WDFY3: variants seen among roughly 807,000 people sequenced by gnomAD.
WDFY3 encodes WD repeat and FYVE domain-containing protein 3.
A neutral mutation model predicts 409.6 loss-of-function variants in WDFY3; 66 were observed. That is an observed-to-expected ratio of 0.16 (90% confidence interval 0.13 to 0.20). The LOEUF (loss-of-function observed/expected upper bound fraction) is 0.20, where lower values mean the gene tolerates loss of function less well. Among genes scored for constraint, WDFY3 ranks in the 10% least tolerant of loss-of-function variants. The pLI, the probability that WDFY3 is intolerant of heterozygous loss-of-function variation, is 1.00. For synonymous variants in WDFY3, 1,521 were observed against 1,537.1 expected (o/e 0.99, Z 0.25); for missense variants, 3,031 against 4,298.1 (o/e 0.71, Z 8.24).
intron 3 of WDFY3, among the ~76,000 whole-genome samples, chr4:84,872,249 G>GA (rs1388852824): frequency 6.6e-6 from 1 of 151,876 alleles, no homozygotes; most frequent in African/African-American, 2.4e-5. Flanking sequence ...GGCAGATCAC[G>GA]AGGTCAGGAG....
At chr4:84,919,572 G>A (rs934362852) in intron 2 of WDFY3, among the ~76,000 whole-genome samples, 1 of 152,152 alleles carries the variant, frequency 6.6e-6, no homozygotes, top group African/African-American at 2.4e-5. Context: ...GACCTGGTGG[G>A]AGGTAACTGA....
At position 84,735,091 on chromosome 4, in the gene WDFY3, A is replaced by G. The variant is rs1174372610; in HGVS notation, c.6945T>C (p.Ile2315=). 1 of 1,613,406 alleles carries G rather than the reference A, an allele frequency of 6.2e-7. No homozygotes were observed. Among genetic ancestry groups the G allele is most frequent in the Admixed American group, 1.7e-5 (1 of 59,998 alleles). ...TATCTACTAAGTCACGAACAACAGC[A>G]ATGTGAGTAAACATCCACTGCGAAA... ...QEISQWMFTH[I]AVVRDLVDTQ... is the part of the protein sequence containing the mutation. The change falls in exon 43 of 68, where the codon ATT becomes ATC. Residue 2315 remains isoleucine, a synonymous_variant. Transcript: ENST00000295888.
At chr4:84,840,301 C>T (rs1349984402) in intron 6 of WDFY3, among the ~76,000 whole-genome samples, 1 of 152,144 alleles carries the variant, frequency 6.6e-6, no homozygotes, top group African/African-American at 2.4e-5. Flanking sequence ...AAGCAATCTC[C>T]AGAATAAATC....
chr4:84,929,468 CG>C (rs1770448527), intron 2 of WDFY3, among the ~76,000 whole-genome samples: 1 of 149,508 alleles, frequency 6.7e-6, no homozygotes, highest in African/African-American at 2.5e-5. Context: ...GATTGAATTG[CG>C]CCCCCCCCCC....
chr4:84,849,849 G>A (rs1758638256), intron 5 of WDFY3, 53 bp downstream of exon 5: 1 of 1,598,444 alleles, frequency 6.3e-7, no homozygotes. Flanking sequence ...GACTTTTACA[G>A]AACTGCTTGT....
At chr4:84,764,400 G>A (rs999272774) in intron 32 of WDFY3, among the ~76,000 whole-genome samples, 1 of 152,142 alleles carries the variant, frequency 6.6e-6, no homozygotes, top group African/African-American at 2.4e-5. Context: ...GAGCACAAAA[G>A]TACCCATGAT....
At chr4:84,712,921 C>G (rs1733181541) in intron 51 of WDFY3, among the ~76,000 whole-genome samples, 1 of 152,152 alleles carries the variant, frequency 6.6e-6, no homozygotes, top group Admixed American at 6.5e-5. Context: ...CAATCATGCA[C>G]ACAGCAATAC....
At chr4:84,704,794 T>C (rs550594303) in intron 54 of WDFY3, among the ~76,000 whole-genome samples, 1 of 152,334 alleles carries the variant, frequency 6.6e-6, no homozygotes, top group South Asian at 2.1e-4. Context: ...TTTGCAATTA[T>C]ATATTTCTCT....
At chr4:84,861,211 T>C (rs1760584212) in intron 3 of WDFY3, among the ~76,000 whole-genome samples, 1 of 151,872 alleles carries the variant, frequency 6.6e-6, no homozygotes. Flanking sequence ...TGTCTTTAAA[T>C]AAATAAATAA....
At position 84,696,759 on chromosome 4, in the gene WDFY3, T is replaced by C; in HGVS notation, c.8661A>G (p.Pro2887=). The C allele has an allele frequency of 6.2e-7, 1 of 1,614,016 alleles. No individual in the cohort carries two copies. The highest frequency in any genetic ancestry group is 1.1e-5 in the South Asian group (1 of 91,074). The change falls in exon 57 of 68, where the codon CCA becomes CCG. Residue 2887 remains proline (P), a synonymous_variant. Transcript: ENST00000295888. ...CACGATGGACTCTGATGAATTCTCG[T>C]GGGTCCCCTTTTGCCCAGGGTGGAA... ...VILPPWAKGD[P]REFIRVHREA... is the part of the protein sequence containing the mutation.
intron 17 of WDFY3, among the ~76,000 whole-genome samples, chr4:84,799,711 A>C (rs947139279): frequency 6.6e-6 from 1 of 152,196 alleles, no homozygotes; most frequent in African/African-American, 2.4e-5. Flanking sequence ...GAATACTCCA[A>C]ATTTTCAACT....
At position 84,890,989 on chromosome 4, in the gene WDFY3, T is replaced by C. The variant is rs79601981; in HGVS notation, c.-32+5922A>G. On this transcript the variant is annotated intron_variant, in intron 3 of 67. Coordinates refer to ENST00000295888, the MANE Select transcript of WDFY3 (RefSeq NM_014991.6). ...TAATTTTAAGTGCCACAAAACATTATTTTTCTTTTGATTTTTTCAAATATT... is the reference window on the plus strand; with the variant it reads ...TAATTTTAAGTGCCACAAAACATTACTTTTCTTTTGATTTTTTCAAATATT... 4.3e-3 allele frequency among the ~76,000 whole-genome samples: 659 copies of C among 152,244 alleles called. 4 individuals carry two copies. Among genetic ancestry groups the C allele is most frequent in the African/African-American group, 0.014 (577 of 41,560 alleles).
chr4:84,776,926 G>A (rs1745650090), intron 27 of WDFY3, among the ~76,000 whole-genome samples: 1 of 152,130 alleles, frequency 6.6e-6, no homozygotes, highest in Admixed American at 6.5e-5. Context: ...GGAAAAAGAA[G>A]TGATAGTTAT....
At chr4:84,732,429 CA>C (rs1736751317) in intron 44 of WDFY3, among the ~76,000 whole-genome samples, 1 of 152,086 alleles carries the variant, frequency 6.6e-6, no homozygotes, top group Admixed American at 6.6e-5. Flanking sequence ...TTGAAATGTA[CA>C]ATAGATTATT....
chr4:84,951,505 T>C (rs891949269), intron 1 of WDFY3, among the ~76,000 whole-genome samples: 1 of 152,196 alleles, frequency 6.6e-6, no homozygotes, highest in Non-Finnish European at 1.5e-5. Flanking sequence ...ATATAAAAAA[T>C]CTAACTTAAA....
At chr4:84,852,587 T>A (rs1759177718) in intron 4 of WDFY3, among the ~76,000 whole-genome samples, 1 of 152,184 alleles carries the variant, frequency 6.6e-6, no homozygotes, top group Non-Finnish European at 1.5e-5. Flanking sequence ...ACCTAGTCTG[T>A]TCAATAGTTT....
chr4:84,928,312 T>C (rs945818568), intron 2 of WDFY3, among the ~76,000 whole-genome samples: 17 of 152,186 alleles, frequency 1.1e-4, no homozygotes, highest in African/African-American at 3.6e-4. Context: ...ATTGGCTTCC[T>C]TGGTTCTGAG....
chr4:84,852,553 A>C (rs1201440392), intron 4 of WDFY3, among the ~76,000 whole-genome samples: 2 of 152,234 alleles, frequency 1.3e-5, no homozygotes, highest in African/African-American at 2.4e-5. Context: ...AATAAATTCT[A>C]CAAGGGTATC....
chr4:84,790,302 T>C (rs1170734266), intron 21 of WDFY3, among the ~76,000 whole-genome samples: 1 of 152,058 alleles, frequency 6.6e-6, no homozygotes, highest in East Asian at 1.9e-4. Context: ...AGTGCTGAGA[T>C]TGTACCACTG....
Sources: allele counts gnomAD v4.1 joint callset (sites outside exome capture counted in the v4.1 genomes callset), GRCh38; gene constraint gnomAD v4.1.1; transcripts MANE v1.5; gene names NCBI Gene and HGNC (gene_info 2026-07-23, HGNC 2026-07-21).